Variants in SYNE1 observed in about 807,000 individuals in gnomAD.
SYNE1 encodes spectrin repeat containing nuclear envelope protein 1.
SYNE1 carries 616 observed loss-of-function variants against 1,111.0 expected under a neutral mutation model. The observed-to-expected ratio is 0.55, with a 90% CI of 0.52 to 0.59. The LOEUF is 0.59. Ranked by LOEUF, SYNE1 falls within the 20% of genes least tolerant of loss-of-function variation. The probability of loss-of-function intolerance (pLI) is 0.00; values close to 1 mark genes in which losing one functional copy is unlikely to be tolerated. For synonymous variants in SYNE1, 3,855 were observed against 3,825.8 expected (o/e 1.01, Z -0.28); for missense variants, 10,006 against 10,417.0 (o/e 0.96, Z 1.72).
chr6:152,455,845 T>C, intron 23 of SYNE1, 41 bp downstream of exon 23: 1 of 1,613,642 alleles, frequency 6.2e-7, no homozygotes, highest in Non-Finnish European at 8.5e-7. Flanking sequence ...CACTCTGCAT[T>C]TTCCCTGGCT....
chr6:152,573,093 C>G (rs1420189024), intron 3 of SYNE1, among the ~76,000 whole-genome samples: 1 of 152,088 alleles, frequency 6.6e-6, no homozygotes, highest in Non-Finnish European at 1.5e-5. Context: ...GAAAGGAATA[C>G]TTTTCTAAGG....
At chr6:152,606,651 G>C (rs372328141) in intron 3 of SYNE1, among the ~76,000 whole-genome samples, 2 of 151,782 alleles carry the variant, frequency 1.3e-5, no homozygotes, top group Non-Finnish European at 2.9e-5. Flanking sequence ...TTTTTTGTTT[G>C]TTTGTTTGTT....
Position 152,311,000 on chromosome 6 carries a change from C to T in SYNE1, c.16711-127G>A, listed in dbSNP as rs569496613. ...CCGTTATTGTGTTTAACCTTCACCC[C>T]CCATGACCACTTTCTACTTGGTAGC... On this transcript the variant is annotated intron_variant, in intron 87 of 145. Transcript: ENST00000367255. 1.4e-4 allele frequency: 130 copies of T among 914,324 alleles called. No individual in the cohort carries two copies. In the African/African-American group the frequency reaches 1.9e-3, roughly 13 times the overall value. The allele number at this position is 914,324 out of a possible 1,614,324, so 56.6% of individuals were successfully genotyped here. A position where few individuals can be genotyped will look rare whatever the true frequency, so the allele number is the denominator to read the frequency against.
chr6:152,408,301 CTTGTT>C (rs2097936965), intron 44 of SYNE1, among the ~76,000 whole-genome samples: 1 of 152,116 alleles, frequency 6.6e-6, no homozygotes, highest in South Asian at 2.1e-4. Context: ...AATCAAGTGA[CTTGTT>C]CTGTGGTCAC....
chr6:152,130,006 C>T (rs186195153), intron 145 of SYNE1, among the ~76,000 whole-genome samples: 1 of 152,088 alleles, frequency 6.6e-6, no homozygotes, highest in South Asian at 2.1e-4. Flanking sequence ...CTGCTAACTG[C>T]GGGAGTGAGG....
intron 59 of SYNE1, among the ~76,000 whole-genome samples, chr6:152,371,271 C>CCCCCA (rs2097175032): frequency 6.6e-6 from 1 of 151,918 alleles, no homozygotes; most frequent in African/African-American, 2.4e-5. Context: ...CCCCATGTTG[C>CCCCCA]TGTTCTCATG....
rs1459811084 is a variant in SYNE1, at chr6:152,180,267, C to G, written c.23329G>C (p.Glu7777Gln). 1 of 1,614,112 alleles carries G rather than the reference C, an allele frequency of 6.2e-7. No individual in the cohort carries two copies. Among genetic ancestry groups the G allele is most frequent in the South Asian group, 1.1e-5 (1 of 91,074 alleles). ...QLSLRRQQIG[E>Q]RLNEWAVFSE... ...AAGACTGCCCATTCATTCAATCTTTCACCTATTTGCTGCCGCCTTAAGGAG... is the reference window on the plus strand; with the variant it reads ...AAGACTGCCCATTCATTCAATCTTTGACCTATTTGCTGCCGCCTTAAGGAG... Residue 7777 changes from glutamate (E) to glutamine (Q), a missense_variant, in exon 129 of 146, where the codon GAA (glutamate) becomes CAA (glutamine). Glu to Gln is a conservative substitution (Grantham distance 29). Transcript: ENST00000367255.
chr6:152,189,453 A>G (rs1563342051), intron 127 of SYNE1, 46 bp from the exon 128 acceptor site: 3 of 1,596,540 alleles, frequency 1.9e-6, no homozygotes, highest in South Asian at 1.1e-5. Flanking sequence ...TCTCCTGCCA[A>G]TGATTTCTGA....
At chr6:152,523,173 G>C (rs1334710949) in intron 5 of SYNE1, among the ~76,000 whole-genome samples, 1 of 151,616 alleles carries the variant, frequency 6.6e-6, no homozygotes, top group Non-Finnish European at 1.5e-5. Flanking sequence ...TCTAGAATTT[G>C]TATGGGGTTT....
intron 139 of SYNE1, 43 bp downstream of exon 139, chr6:152,141,160 T>A: frequency 1.9e-6 from 3 of 1,613,598 alleles, no homozygotes; most frequent in Non-Finnish European, 1.7e-6. Flanking sequence ...TGCTTCAGGA[T>A]CTTCTATTTC....
rs1357232946 is a variant in SYNE1 at position 152,338,214 on chromosome 6, T to C, written c.12351+1027A>G. 3.9e-5 allele frequency among the ~76,000 whole-genome samples: 6 copies of C among 152,328 alleles called. 1 individual carries two copies. The highest frequency in any genetic ancestry group is 3.9e-4 in the East Asian group (2 of 5,190). On this transcript the variant is annotated intron_variant, in intron 75 of 145. Transcript: ENST00000367255. ...TGTAAGGATTTAAAAACAGATTTGA[T>C]AATATTAAAGAGAAAAACCTTATTA...
At chr6:152,580,509 T>C (rs1021834126) in intron 3 of SYNE1, among the ~76,000 whole-genome samples, 1 of 152,244 alleles carries the variant, frequency 6.6e-6, no homozygotes, top group Non-Finnish European at 1.5e-5. Context: ...AGAAGCTTTT[T>C]AGTTTAATTA....
chr6:152,140,226 T>A, intron 139 of SYNE1, 65 bp from the exon 140 acceptor site: 1 of 1,550,690 alleles, frequency 6.4e-7, no homozygotes, highest in Non-Finnish European at 8.9e-7. Context: ...TGAAATGCTT[T>A]AAACATAGGT....
chr6:152,523,675 A>G (rs957315204), intron 5 of SYNE1, among the ~76,000 whole-genome samples: 1 of 152,088 alleles, frequency 6.6e-6, no homozygotes, highest in East Asian at 1.9e-4. Flanking sequence ...TGATTCTTCC[A>G]ATCTATGAGT....
At chr6:152,337,966 A>T (rs572666979) in intron 75 of SYNE1, among the ~76,000 whole-genome samples, 72 of 152,196 alleles carry the variant, frequency 4.7e-4, no homozygotes, top group African/African-American at 1.7e-3. Flanking sequence ...TGGGCAACAC[A>T]GTGAAACCCT....
At chr6:152,255,443 A>G (rs2090580596) in intron 103 of SYNE1, 148 bp downstream of exon 103, 1 of 978,256 alleles carries the variant, frequency 1.0e-6, no homozygotes, top group Non-Finnish European at 1.6e-6. Flanking sequence ...AATGCGAACT[A>G]TAAATATTCT....
chr6:152,157,346 T>C (rs2061572578), intron 131 of SYNE1, among the ~76,000 whole-genome samples: 1 of 152,220 alleles, frequency 6.6e-6, no homozygotes, highest in Non-Finnish European at 1.5e-5. Context: ...ATATCACACA[T>C]TCTCACTTGT....
chr6:152,211,613 A>G (rs1587911322), intron 123 of SYNE1, 25 bp from the exon 124 acceptor site: 1 of 1,593,264 alleles, frequency 6.3e-7, no homozygotes, highest in Non-Finnish European at 8.6e-7. Flanking sequence ...AAAGAAGAAC[A>G]TACTTTAGAG....
chr6:152,203,200 T>A lies in SYNE1; in HGVS notation c.23020-1251A>T, dbSNP rs746070151. Among the ~76,000 whole-genome samples, 57 of 152,358 alleles carry A rather than the reference T, an allele frequency of 3.7e-4. No individual in the cohort carries two copies. In the South Asian group the frequency reaches 4.8e-3, roughly 13 times the overall value. ...AATTTCATTTTTTACTCTGTATAGTTAAATTATTACCTAATTTTTAAAAAT... is the reference window on the plus strand; with the variant it reads ...AATTTCATTTTTTACTCTGTATAGTAAAATTATTACCTAATTTTTAAAAAT... On this transcript the variant is annotated intron_variant, in intron 126 of 145. Coordinates refer to ENST00000367255, the MANE Select transcript of SYNE1 (RefSeq NM_182961.4).
Sources: allele counts gnomAD v4.1 joint callset (sites outside exome capture counted in the v4.1 genomes callset), GRCh38; gene constraint gnomAD v4.1.1; transcripts MANE v1.5; gene names NCBI Gene and HGNC (gene_info 2026-07-23, HGNC 2026-07-21).